The following DYNC2H1 variants were observed in gnomAD, a reference collection of about 807,000 sequenced individuals.
The protein encoded by DYNC2H1 is dynein cytoplasmic 2 heavy chain 1.
DYNC2H1 carries 410 observed loss-of-function variants against 570.0 expected under a neutral mutation model. That is an observed-to-expected ratio of 0.72 (90% CI 0.66 to 0.78). DYNC2H1 has a LOEUF of 0.78. Ranked by LOEUF, DYNC2H1 falls within the 30% of genes least tolerant of loss-of-function variation. The probability of loss-of-function intolerance (pLI) is 0.00; values close to 1 mark genes in which losing one functional copy is unlikely to be tolerated. For missense variants in DYNC2H1, 4,865 were observed against 5,046.4 expected, an observed-to-expected ratio of 0.96 and a Z score of 1.09; for synonymous variants, 1,688 against 1,677.6, an observed-to-expected ratio of 1.01 and a Z score of -0.15.
rs758865689 is a variant in DYNC2H1, at chr11:103,147,752, T to C, written c.2703-20T>C. The C allele has an allele frequency of 3.5e-5, 51 of 1,452,772 alleles. 1 individual carries two copies. The highest frequency in any genetic ancestry group is 4.5e-5 in the Non-Finnish European group (47 of 1,042,902). 90.0% of individuals were successfully genotyped at this position (1,452,772 alleles called of 1,614,324 possible). On this transcript the variant is annotated intron_variant, in intron 18 of 88. Coordinates refer to ENST00000375735, the MANE Select transcript of DYNC2H1 (RefSeq NM_001377.3). ...AATTAGTCTTTTCCATGTCAAAATA[T>C]GTCCATTGACATTTTTCAGTGCTGT... is the stretch of plus-strand genomic sequence containing the variant.
rs1431961401 is a variant in DYNC2H1 at position 103,205,529 on chromosome 11, T to C, written c.8454+565T>C. Reference sequence around the variant, plus strand: ...TCAGAGTAAGGAGTGTAATTGGAGATAAAAGACATGGTTTACAGATGAGGT... The same window carrying C: ...TCAGAGTAAGGAGTGTAATTGGAGACAAAAGACATGGTTTACAGATGAGGT... On this transcript the variant is annotated intron_variant, in intron 52 of 88. Transcript: ENST00000375735. The surrounding 1 kb of genome is among the most constrained non-coding windows in gnomAD (Gnocchi z 4.5). Among the ~76,000 whole-genome samples the C allele has an allele frequency of 2.0e-5, 3 of 152,188 alleles. No individual in the cohort carries two copies. Among genetic ancestry groups the C allele is most frequent in the African/African-American group, 7.2e-5 (3 of 41,464 alleles).
At chr11:103,378,146 A>G (rs746792487) in intron 83 of DYNC2H1, among the ~76,000 whole-genome samples, 23 of 152,188 alleles carry the variant, frequency 1.5e-4, no homozygotes, top group Non-Finnish European at 2.5e-4. Context: ...TATGATCCAA[A>G]TATTTATAAT....
rs907849375 is a variant in DYNC2H1, at chr11:103,154,553, A to C, written c.3405A>C (p.Glu1135Asp). Residue 1135 changes from glutamate (E) to aspartate (D), a missense_variant, in exon 23 of 89, where the codon GAA becomes GAC. Glu to Asp is a conservative substitution (Grantham distance 45). This residue lies in a region of DYNC2H1 where 1,936 missense variants were observed against 1,962.1 expected (regional missense o/e 0.99). Transcript: ENST00000375735. ...ESCAQIWAFYEEFQQGFQEMA... is the reference protein window; with the variant it reads ...ESCAQIWAFYDEFQQGFQEMA... ...GTGCCCAAATTTGGGCCTTTTATGA[A>C]GAGTTTCAACAAGGATTTCAGGAAA... 3.8e-6 allele frequency: 6 copies of C among 1,599,628 alleles called. No homozygotes were observed. In the African/African-American group the frequency reaches 6.7e-5, roughly 18 times the overall value.
chr11:103,391,507 AT>A (rs1942149048), intron 83 of DYNC2H1, among the ~76,000 whole-genome samples: 1 of 152,222 alleles, frequency 6.6e-6, no homozygotes, highest in Admixed American at 6.5e-5. Context: ...CGTCAAAGTC[AT>A]TCTCTGTCCA....
chr11:103,344,068 C>G (rs570624671), intron 82 of DYNC2H1, among the ~76,000 whole-genome samples: 11 of 152,342 alleles, frequency 7.2e-5, no homozygotes, highest in Admixed American at 2.6e-4. Context: ...GAGATAAACA[C>G]TGTGAAACTT....
At chr11:103,147,996 C>A in intron 19 of DYNC2H1, 109 bp downstream of exon 19, 1 of 754,794 alleles carries the variant, frequency 1.3e-6, no homozygotes, top group Non-Finnish European at 2.1e-6. Flanking sequence ...CAAAACTGAA[C>A]TAATTTAAAA....
chr11:103,238,048 T>C (rs1864288142), intron 63 of DYNC2H1, among the ~76,000 whole-genome samples: 2 of 152,176 alleles, frequency 1.3e-5, no homozygotes, highest in African/African-American at 4.8e-5. Flanking sequence ...ATGAATTTGC[T>C]GTTATGGTCG....
intron 83 of DYNC2H1, among the ~76,000 whole-genome samples, chr11:103,368,871 A>G (rs79916653): frequency 0.01 from 1,545 of 152,216 alleles, 28 homozygotes; most frequent in African/African-American, 0.035. Flanking sequence ...ACCTTTGTCA[A>G]AAAATCAGTT....
rs559067030 is a variant in DYNC2H1, at chr11:103,155,244, A to G, written c.3574-87A>G. 9.0e-5 allele frequency: 116 copies of G among 1,292,442 alleles called. 1 individual carries two copies. The African/African-American group carries it at 1.6e-3, about 18-fold the overall frequency. 80.1% of individuals were successfully genotyped at this position (1,292,442 alleles called of 1,614,324 possible). ...AATAATTAAAATTTTGGTAACTAAT[A>G]AGCATAAAAGTAAATACTAATTTGC... On this transcript the variant is annotated intron_variant, in intron 24 of 88. Coordinates refer to ENST00000375735, the MANE Select transcript of DYNC2H1 (RefSeq NM_001377.3).
At chr11:103,330,666 CAG>C (rs1226397954) in intron 82 of DYNC2H1, among the ~76,000 whole-genome samples, 1 of 151,468 alleles carries the variant, frequency 6.6e-6, no homozygotes, top group Non-Finnish European at 1.5e-5. Context: ...ATAAATAAAA[CAG>C]TTAAAATAGC....
chr11:103,209,849 C>T lies in DYNC2H1; in HGVS notation c.8455-27C>T. On this transcript the variant is annotated intron_variant, in intron 52 of 88. Coordinates refer to ENST00000375735, the MANE Select transcript of DYNC2H1 (RefSeq NM_001377.3). This position sits in a 1 kb window ranked among gnomAD's most constrained non-coding sequence, Gnocchi z 4.2. ...TTATGATATGGGACTTATACTCTTT[C>T]ATAGTGATATTCTTTTTATGTTTTA... The T allele has an allele frequency of 6.9e-7, 1 of 1,440,168 alleles. No individual in the cohort carries two copies. 89.2% of individuals were successfully genotyped at this position (1,440,168 alleles called of 1,614,324 possible). A position where few individuals can be genotyped will look rare whatever the true frequency, so the allele number is the denominator to read the frequency against.
At chr11:103,438,882 G>A (rs1944157365) in intron 85 of DYNC2H1, among the ~76,000 whole-genome samples, 1 of 152,074 alleles carries the variant, frequency 6.6e-6, no homozygotes. Context: ...AGTGGCATGT[G>A]TCTATAGTTC....
intron 53 of DYNC2H1, among the ~76,000 whole-genome samples, chr11:103,210,543 A>G (rs571184685): frequency 5.9e-5 from 9 of 152,176 alleles, no homozygotes; most frequent in African/African-American, 1.7e-4. Flanking sequence ...CTCATAGTCC[A>G]GTGATAGTGA....
chr11:103,158,865 T>C (rs758801404), intron 27 of DYNC2H1, 45 bp from the exon 28 acceptor site: 92 of 1,510,152 alleles, frequency 6.1e-5, no homozygotes, highest in African/African-American at 3.8e-4. Context: ...GATATCTTAA[T>C]TATCTGAAAA....
chr11:103,416,667 G>A (rs140523048), intron 84 of DYNC2H1, among the ~76,000 whole-genome samples: 1,535 of 152,160 alleles, frequency 0.01, 29 homozygotes, highest in African/African-American at 0.035. Flanking sequence ...CTCAATATGG[G>A]TTAAAAACTT....
Position 103,158,982 on chromosome 11 carries a change from A to C in DYNC2H1, c.4333A>C (p.Thr1445Pro), listed in dbSNP as rs755560465. The change falls in exon 28 of 89, where the codon ACC (threonine) becomes CCC (proline). Residue 1445 changes from threonine to proline, a missense_variant. Thr to Pro is a conservative substitution (Grantham distance 38). Coordinates refer to ENST00000375735, the MANE Select transcript of DYNC2H1 (RefSeq NM_001377.3). ...DDLLEILGQS[T>P]NPSVIQSHLK... ...CTTATTAGAAATATTGGGCCAGTCTACCAACCCATCAGTGATTCAGTCTCA... is the reference window on the plus strand; with the variant it reads ...CTTATTAGAAATATTGGGCCAGTCTCCCAACCCATCAGTGATTCAGTCTCA... 1 of 1,613,658 alleles carries C rather than the reference A, an allele frequency of 6.2e-7. No individual in the cohort carries two copies. Among genetic ancestry groups the C allele is most frequent in the Admixed American group, 1.7e-5 (1 of 60,006 alleles).
At chr11:103,138,541 C>A (rs996033287) in intron 17 of DYNC2H1, among the ~76,000 whole-genome samples, 1 of 152,142 alleles carries the variant, frequency 6.6e-6, no homozygotes, top group Admixed American at 6.5e-5. Context: ...ATTGAACTAG[C>A]CTTGCATCCC....
In DYNC2H1 at chr11:103,305,385, G is replaced by C. The variant is rs1431290616; in HGVS notation, c.11382+665G>C. Among the ~76,000 whole-genome samples the C allele has an allele frequency of 3.9e-5, 6 of 152,084 alleles. No homozygotes were observed. Among genetic ancestry groups the C allele is most frequent in the Non-Finnish European group, 7.4e-5 (5 of 68,014 alleles). On this transcript the variant is annotated intron_variant, in intron 77 of 88. Coordinates refer to ENST00000375735, the MANE Select transcript of DYNC2H1 (RefSeq NM_001377.3). The surrounding 1 kb of genome is among the most constrained non-coding windows in gnomAD (Gnocchi z 4.3). Reference sequence around the variant, plus strand: ...TTGGGGATGTCCACCCCTAGTACAAGGAATGAAGAGATGTCCTTGATAGTA... The same window carrying C: ...TTGGGGATGTCCACCCCTAGTACAACGAATGAAGAGATGTCCTTGATAGTA...
chr11:103,216,907 C>G (rs1863408094), intron 55 of DYNC2H1, among the ~76,000 whole-genome samples: 1 of 151,994 alleles, frequency 6.6e-6, no homozygotes, highest in South Asian at 2.1e-4. Flanking sequence ...TATTTCTTTC[C>G]TCAGATTATG....
Sources: gnomAD v4.1 joint callset for allele counts (sites outside exome capture counted in the v4.1 genomes callset) on GRCh38, gnomAD v4.1.1 for gene constraint, gnomAD v4.1.1 regional missense constraint, Gnocchi (gnomAD v3.1) non-coding constraint, MANE v1.5 for transcripts, NCBI Gene and HGNC (gene_info 2026-07-23, HGNC 2026-07-21) for gene names.